Variants in PBX1 observed in about 807,000 individuals in gnomAD.
PBX1 encodes PBX homeobox 1.
Under a neutral mutation model 53.4 loss-of-function variants are expected in PBX1, and 6 were observed. That is an observed-to-expected ratio of 0.11 (90% confidence interval 0.06 to 0.22). The LOEUF (loss-of-function observed/expected upper bound fraction) is 0.22. Ranked by LOEUF, PBX1 falls within the 10% of genes least tolerant of loss-of-function variation. PBX1 has a pLI of 1.00. For missense variants in PBX1, 251 were observed against 551.4 expected, an observed-to-expected ratio of 0.46 and a Z score of 5.46; for synonymous variants, 204 against 212.3, an observed-to-expected ratio of 0.96 and a Z score of 0.34.
At chr1:164,720,027 C>G (rs892016066) in intron 2 of PBX1, among the ~76,000 whole-genome samples, 1 of 152,082 alleles carries the variant, frequency 6.6e-6, no homozygotes, top group African/African-American at 2.4e-5. Context: ...ATGCTTGCCC[C>G]GTGGGAAAAT....
At chr1:164,746,302 CAAGTAGT>C (rs1665887699) in intron 2 of PBX1, among the ~76,000 whole-genome samples, 1 of 152,188 alleles carries the variant, frequency 6.6e-6, no homozygotes, top group East Asian at 1.9e-4. Flanking sequence ...AAAGTGGTAA[CAAGTAGT>C]AAAATTGTAA....
At chr1:164,825,636 C>T (rs892353368) in intron 8 of PBX1, among the ~76,000 whole-genome samples, 5 of 151,966 alleles carry the variant, frequency 3.3e-5, no homozygotes, top group Non-Finnish European at 7.4e-5. Flanking sequence ...TCAAACTTTC[C>T]GGCTGATGTA....
At chr1:164,652,371 A>G (rs1659880737) in intron 2 of PBX1, among the ~76,000 whole-genome samples, 1 of 152,174 alleles carries the variant, frequency 6.6e-6, no homozygotes, top group Non-Finnish European at 1.5e-5. Flanking sequence ...GAAAATAGTG[A>G]TTCATTTCAT....
intron 2 of PBX1, among the ~76,000 whole-genome samples, chr1:164,626,299 C>T (rs973072232): frequency 2.0e-5 from 3 of 152,134 alleles, no homozygotes; most frequent in African/African-American, 7.2e-5. Flanking sequence ...AGGTTTTCCT[C>T]CCTGTTACCT....
chr1:164,836,704 T>G (rs942861066), intron 8 of PBX1, among the ~76,000 whole-genome samples: 12 of 152,194 alleles, frequency 7.9e-5, no homozygotes, highest in Non-Finnish European at 1.5e-5. Flanking sequence ...ACAACCCTTC[T>G]GTTAGCTGTA....
intron 2 of PBX1, among the ~76,000 whole-genome samples, chr1:164,698,329 A>G (rs529013739): frequency 6.6e-6 from 1 of 152,348 alleles, no homozygotes; most frequent in African/African-American, 2.4e-5. Flanking sequence ...GGTATAAATA[A>G]TAAGCACAGA....
intron 8 of PBX1, among the ~76,000 whole-genome samples, chr1:164,832,389 T>C (rs149132618): frequency 6.6e-6 from 1 of 152,336 alleles, no homozygotes; most frequent in Non-Finnish European, 1.5e-5. Context: ...AGCTCTTTCC[T>C]GGATCTAGGC....
At chr1:164,780,004 T>C (rs1667852825) in intron 2 of PBX1, among the ~76,000 whole-genome samples, 1 of 152,204 alleles carries the variant, frequency 6.6e-6, no homozygotes, top group South Asian at 2.1e-4. Flanking sequence ...TATCTCTCTG[T>C]CACCCGTTGA....
chr1:164,608,422 T>C (rs930945757), intron 2 of PBX1, among the ~76,000 whole-genome samples: 1 of 152,178 alleles, frequency 6.6e-6, no homozygotes. Context: ...GTGTACTGGT[T>C]AACACAAAGT....
At chr1:164,679,456 G>C (rs1332142893) in intron 2 of PBX1, among the ~76,000 whole-genome samples, 1 of 152,110 alleles carries the variant, frequency 6.6e-6, no homozygotes, top group Admixed American at 6.5e-5. Context: ...CAGTGGAAAG[G>C]CTCCTTTGAA....
At chr1:164,649,219 G>C (rs1659641342) in intron 2 of PBX1, among the ~76,000 whole-genome samples, 1 of 152,146 alleles carries the variant, frequency 6.6e-6, no homozygotes, top group South Asian at 2.1e-4. Flanking sequence ...CCTTAACAAA[G>C]TATTCTATAA....
chr1:164,724,670 A>ATTTTTTTTTTTTTTTTTTTTT (rs59042806), intron 2 of PBX1, among the ~76,000 whole-genome samples: 1 of 48,234 alleles, frequency 2.1e-5, no homozygotes, highest in Admixed American at 3.7e-4. Context: ...ATAGCTGCAG[A>ATTTTTTTTTTTTTTTTTTTTT]TTTTTTTTTT....
intron 6 of PBX1, chr1:164,816,045 T>C (rs997332173): frequency 2.6e-5 from 4 of 152,202 alleles, no homozygotes; most frequent in African/African-American, 9.6e-5. Flanking sequence ...TATAATTTTG[T>C]TTTTTAAAAC....
At position 164,790,673 on chromosome 1, in the gene PBX1, G is replaced by A. The variant is rs1558009527; in HGVS notation, c.266-1821G>A. Among the ~76,000 whole-genome samples the A allele has an allele frequency of 2.0e-5, 3 of 152,106 alleles. No individual in the cohort carries two copies. In the South Asian group the frequency reaches 6.2e-4, roughly 32 times the overall value. On this transcript the variant is annotated intron_variant, in intron 2 of 8. Coordinates refer to ENST00000420696, the MANE Select transcript of PBX1 (RefSeq NM_002585.4). The stretch of plus-strand genomic sequence containing the variant: ...TCGCCATTCCATTTGATGGTCTCGT[G>A]TTTTGTGAGAGCCATACTGTAGTTT...
intron 5 of PBX1, among the ~76,000 whole-genome samples, chr1:164,811,403 TG>T (rs1669605928): frequency 6.6e-6 from 1 of 152,256 alleles, no homozygotes; most frequent in African/African-American, 2.4e-5. Flanking sequence ...TTTTTCCTTA[TG>T]TAGATAACAC....
At chr1:164,822,552 T>C (rs943300572) in intron 8 of PBX1, among the ~76,000 whole-genome samples, 3 of 152,206 alleles carry the variant, frequency 2.0e-5, no homozygotes, top group Non-Finnish European at 2.9e-5. Flanking sequence ...AATGGAGATA[T>C]AATGTCTGCA....
chr1:164,689,055 G>C (rs766605288), intron 2 of PBX1, among the ~76,000 whole-genome samples: 5 of 152,222 alleles, frequency 3.3e-5, no homozygotes, highest in Non-Finnish European at 5.9e-5. Flanking sequence ...GGCTCCTATC[G>C]AGCTGGGGAA....
chr1:164,786,651 G>T, intron 2 of PBX1, among the ~76,000 whole-genome samples: 1 of 151,630 alleles, frequency 6.6e-6, no homozygotes, highest in Non-Finnish European at 1.5e-5. Flanking sequence ...CTTGGCCAGA[G>T]TATCGGTGTG....
Position 164,634,558 on chromosome 1 carries a change from A to G in PBX1, c.265+71247A>G, listed in dbSNP as rs75408318. 3.4e-3 allele frequency among the ~76,000 whole-genome samples: 524 copies of G among 152,206 alleles called. 8 individuals are homozygous for G. The highest frequency in any genetic ancestry group is 0.026 in the Admixed American group (397 of 15,288). ...AGTTTCTTCTTTAGTCCCTCCCACA[A>G]TGCTCTTTGGGTTTCGTTTCTGGAA... On this transcript the variant is annotated intron_variant, in intron 2 of 8. Transcript: ENST00000420696.
Sources: allele counts gnomAD v4.1 joint callset (sites outside exome capture counted in the v4.1 genomes callset), GRCh38; gene constraint gnomAD v4.1.1; transcripts MANE v1.5; gene names NCBI Gene and HGNC (gene_info 2026-07-23, HGNC 2026-07-21).